Variants in PLOD1 observed in about 807,000 individuals in gnomAD.
The protein encoded by PLOD1 is procollagen-lysine,2-oxoglutarate 5-dioxygenase 1, also known as lysine hydroxylase.
Under a neutral mutation model 94.7 loss-of-function variants are expected in PLOD1, and 70 were observed. The observed-to-expected ratio is 0.74, with a 90% confidence interval of 0.61 to 0.90. The LOEUF is 0.90. Among genes scored for constraint, PLOD1 ranks in the 40% least tolerant of loss-of-function variants. The pLI is 0.00. For missense variants in PLOD1, 905 were observed against 972.7 expected (o/e 0.93, Z 0.93); for synonymous variants, 417 against 400.2 (o/e 1.04, Z -0.50).
At chr1:11,943,075 C>T (rs931667829) in intron 1 of PLOD1, among the ~76,000 whole-genome samples, 5 of 152,142 alleles carry the variant, frequency 3.3e-5, no homozygotes, top group Non-Finnish European at 5.9e-5. Flanking sequence ...CAATCTCTGC[C>T]CCCTGGGTTC....
intron 11 of PLOD1, 86 bp from the exon 12 acceptor site, chr1:11,964,089 G>C: frequency 7.3e-7 from 1 of 1,372,066 alleles, no homozygotes; most frequent in Admixed American, 1.7e-5. Context: ...AGGTTGAGGG[G>C]CACCTACCTC....
intron 13 of PLOD1, 106 bp from the exon 14 acceptor site, chr1:11,965,374 C>T (rs544043066): frequency 7.3e-5 from 50 of 688,544 alleles, no homozygotes; most frequent in African/African-American, 7.2e-4. Context: ...TTCAGTTCGG[C>T]GGGTGGAGGA....
At chr1:11,968,946 C>T (rs980444527) in intron 16 of PLOD1, among the ~76,000 whole-genome samples, 4 of 151,310 alleles carry the variant, frequency 2.6e-5, no homozygotes, top group Admixed American at 6.6e-5. Context: ...AAACCTCTGC[C>T]TCCTGAGTTC....
Position 11,957,061 on chromosome 1 carries a change from C to T in PLOD1, c.741+47C>T. The T allele has an allele frequency of 8.0e-7, 1 of 1,247,896 alleles. No homozygotes were observed. Among genetic ancestry groups the T allele is most frequent in the Non-Finnish European group, 1.2e-6 (1 of 845,618 alleles). The allele number at this position is 1,247,896 out of a possible 1,614,324, so 77.3% of individuals were successfully genotyped here. On this transcript the variant is annotated intron_variant, in intron 7 of 18. Coordinates refer to ENST00000196061, the MANE Select transcript of PLOD1 (RefSeq NM_000302.4). The surrounding 1 kb of genome is among the most constrained non-coding windows in gnomAD (Gnocchi z 4.1). ...GGGAGTGTGGGAGGGGGCCAGAGCC[C>T]TAATTTCATTCTCACTGTGACCCCA...
In PLOD1 at chr1:11,964,698, C is replaced by T. The variant is rs761352973; in HGVS notation, c.1383C>T (p.Ala461=). The change falls in exon 13 of 19, where the codon GCC becomes GCT. Residue 461 remains alanine (A), a synonymous_variant. Transcript: ENST00000196061. ...ISNIYLIKGS[A]LRGELQSSDL... ...ACATCTACTTGATCAAGGGCAGTGC[C>T]CTGCGGGGTGAGCTGCAGTCCTCAG... is the stretch of plus-strand genomic sequence containing the variant. 2.5e-6 allele frequency: 4 copies of T among 1,613,420 alleles called. No individual in the cohort carries two copies. The highest frequency in any genetic ancestry group is 3.4e-6 in the Non-Finnish European group (4 of 1,179,844).
intron 13 of PLOD1, among the ~76,000 whole-genome samples, chr1:11,965,150 CTT>C (rs570781705): frequency 1.3e-4 from 19 of 143,130 alleles, no homozygotes; most frequent in Non-Finnish European, 1.7e-4. Context: ...ATTTTTGTGA[CTT>C]TTTTTTTTTT....
chr1:11,953,282 C>T (rs1389797859), intron 5 of PLOD1, among the ~76,000 whole-genome samples: 3 of 151,718 alleles, frequency 2.0e-5, no homozygotes, highest in African/African-American at 7.3e-5. Context: ...TCTCGAACTC[C>T]TGTCCTCAGG....
In PLOD1 at chr1:11,958,764, C is replaced by A; in HGVS notation, c.975+117C>A. The A allele has an allele frequency of 8.3e-7, 1 of 1,205,638 alleles. No individual in the cohort carries two copies. The highest frequency in any genetic ancestry group is 1.2e-6 in the Non-Finnish European group (1 of 835,540). 74.7% of individuals were successfully genotyped at this position (1,205,638 alleles called of 1,614,324 possible). On this transcript the variant is annotated intron_variant, in intron 9 of 18. Transcript: ENST00000196061. This position sits in a 1 kb window ranked among gnomAD's most constrained non-coding sequence, Gnocchi z 4.3. ...AATCTAGCTTATCTGGGCCAAATGA[C>A]AATCACCAGTGGACTGTGTCCCCAA...
chr1:11,960,614 C>G lies in PLOD1; in HGVS notation c.976-32C>G, dbSNP rs1397896543. The G allele has an allele frequency of 2.8e-6, 4 of 1,448,448 alleles. No homozygotes were observed. In the South Asian group the frequency reaches 4.6e-5, roughly 17 times the overall value. The allele number at this position is 1,448,448 out of a possible 1,614,324, so 89.7% of individuals were successfully genotyped here. A position where few individuals can be genotyped will look rare whatever the true frequency, so the allele number is the denominator to read the frequency against. On this transcript the variant is annotated intron_variant, in intron 9 of 18. Transcript: ENST00000196061. ...GTGGAAGCTGTGTCCTCCTCCTCAC[C>G]CCCGCATCCCCTTCCCCATCCCCAA...
chr1:11,964,372 C>T lies in PLOD1; in HGVS notation c.1328+72C>T, dbSNP rs887355612. ...CTTCTGCCTGGGCTTGTGGGGCTCC[C>T]TCCCTATTATTCCTGTTCTTGTTAC... On this transcript the variant is annotated intron_variant, in intron 12 of 18. Transcript: ENST00000196061. 4.8e-6 allele frequency: 7 copies of T among 1,467,876 alleles called. No homozygotes were observed. In the African/African-American group the frequency reaches 8.3e-5, roughly 17 times the overall value. The allele number at this position is 1,467,876 out of a possible 1,614,324, so 90.9% of individuals were successfully genotyped here.
intron 16 of PLOD1, 61 bp downstream of exon 16, chr1:11,967,152 ACTGT>A: frequency 1.8e-6 from 2 of 1,094,856 alleles, no homozygotes; most frequent in Non-Finnish European, 2.8e-6. Context: ...AGTGCCGCTC[ACTGT>A]CTGGGGTCTT....
chr1:11,966,264 A>G lies in PLOD1; in HGVS notation c.1598A>G (p.Lys533Arg), dbSNP rs1377747998. Residue 533 changes from lysine (K) to arginine (R), a missense_variant, in exon 15 of 19, where the codon AAG (lysine) becomes AGG (arginine). Lys to Arg is a conservative substitution (Grantham distance 26). Coordinates refer to ENST00000196061, the MANE Select transcript of PLOD1 (RefSeq NM_000302.4). ...VFSNPEDWKEKYIHQNYTKAL... is the reference protein window; with the variant it reads ...VFSNPEDWKERYIHQNYTKAL... The stretch of plus-strand genomic sequence containing the variant: ...CACTTCCCACAGGACTGGAAGGAGA[A>G]GTACATCCACCAGAACTACACCAAA... The G allele has an allele frequency of 2.5e-6, 4 of 1,606,170 alleles. No homozygotes were observed. The highest frequency in any genetic ancestry group is 3.4e-6 in the Non-Finnish European group (4 of 1,176,250).
rs1645712079 is a variant in PLOD1 at position 11,952,732 on chromosome 1, G to A, written c.576G>A (p.Lys192=). 1.4e-5 allele frequency: 23 copies of A among 1,609,956 alleles called. No individual in the cohort carries two copies. Among genetic ancestry groups the A allele is most frequent in the Non-Finnish European group, 2.0e-5 (23 of 1,176,278 alleles). Residue 192 remains lysine (K), a synonymous_variant, in exon 5 of 19, where the codon AAG becomes AAA. Coordinates refer to ENST00000196061, the MANE Select transcript of PLOD1 (RefSeq NM_000302.4). The part of the protein sequence containing the change: ...FYTKIFLDPE[K]REQINITLDH... ...CCAAGATCTTCTTGGACCCGGAGAA[G>A]AGGGTAAGAGGCAGTGGGCGGGCCA... is the stretch of plus-strand genomic sequence containing the variant.
intron 16 of PLOD1, among the ~76,000 whole-genome samples, chr1:11,967,655 TA>T (rs1463985796): frequency 0.024 from 2,706 of 112,034 alleles, 166 homozygotes; most frequent in African/African-American, 0.085. Flanking sequence ...TATATATATA[TA>T]TATTTTTTTT....
chr1:11,945,975 C>G (rs1331550531), intron 1 of PLOD1, among the ~76,000 whole-genome samples: 1 of 152,194 alleles, frequency 6.6e-6, no homozygotes, highest in Non-Finnish European at 1.5e-5. Flanking sequence ...TCCCAAAGTG[C>G]TGGGATTACC....
At chr1:11,953,261 C>T (rs140185857) in intron 5 of PLOD1, among the ~76,000 whole-genome samples, 2,662 of 151,630 alleles carry the variant, frequency 0.018, 84 homozygotes, top group African/African-American at 0.06. Flanking sequence ...TCACTACGTT[C>T]GCCAGGCTGG....
intron 1 of PLOD1, chr1:11,944,624 G>A: frequency 7.3e-7 from 1 of 1,364,968 alleles, no homozygotes; most frequent in Non-Finnish European, 9.8e-7. Context: ...CCTTCCCCAA[G>A]TGTGAGCAGC....
At chr1:11,956,199 C>T (rs1036652507) in intron 6 of PLOD1, among the ~76,000 whole-genome samples, 2 of 152,038 alleles carry the variant, frequency 1.3e-5, no homozygotes, top group Non-Finnish European at 2.9e-5. Flanking sequence ...GCCTGACCAA[C>T]ATGGTGAAAC....
Position 11,952,716 on chromosome 1 carries a change from T to C in PLOD1, c.560T>C (p.Phe187Ser), listed in dbSNP as rs747917838. 3 of 1,613,432 alleles carry C rather than the reference T, an allele frequency of 1.9e-6. No individual in the cohort carries two copies. The South Asian group carries it at 3.3e-5, about 18-fold the overall frequency. ...GATCAGCTGTTTTACACCAAGATCT[T>C]CTTGGACCCGGAGAAGAGGGTAAGA... ...DSDQLFYTKI[F>S]LDPEKREQIN... Residue 187 changes from phenylalanine (F) to serine (S), a missense_variant, in exon 5 of 19, where the codon TTC (phenylalanine) becomes TCC (serine). Transcript: ENST00000196061.
Sources: allele counts gnomAD v4.1 joint callset (sites outside exome capture counted in the v4.1 genomes callset), GRCh38; gene constraint gnomAD v4.1.1; non-coding constraint Gnocchi (gnomAD v3.1); transcripts MANE v1.5; gene names NCBI Gene and HGNC (gene_info 2026-07-23, HGNC 2026-07-21).